MAP3K5: variants seen among roughly 807,000 people sequenced by gnomAD.
The protein encoded by MAP3K5 is mitogen-activated protein kinase kinase kinase 5, also known as ASK-1.
In MAP3K5, 56 loss-of-function variants were observed where a neutral mutation model predicts 158.7. The observed-to-expected ratio is 0.35, with a 90% CI of 0.28 to 0.44. The LOEUF is 0.44. MAP3K5 is among the 20% of genes least tolerant of loss of function. MAP3K5 has a pLI of 1.00. For synonymous variants in MAP3K5, 579 were observed against 601.7 expected, an observed-to-expected ratio of 0.96 and a Z score of 0.55; for missense variants, 1,294 against 1,674.8, an observed-to-expected ratio of 0.77 and a Z score of 3.97.
intron 14 of MAP3K5, among the ~76,000 whole-genome samples, chr6:136,628,941 T>C (rs987474978): frequency 1.7e-4 from 26 of 152,224 alleles, no homozygotes; most frequent in African/African-American, 1.7e-4. Context: ...TGTCCAGGAA[T>C]AGTAGAAGAG....
chr6:136,632,454 T>C (rs938267068), intron 14 of MAP3K5, among the ~76,000 whole-genome samples: 5 of 151,950 alleles, frequency 3.3e-5, no homozygotes. Flanking sequence ...GAGGCGGAGG[T>C]TGCAGTGAGC....
chr6:136,674,240 A>G (rs1333528884), intron 7 of MAP3K5, among the ~76,000 whole-genome samples: 1 of 152,104 alleles, frequency 6.6e-6, no homozygotes, highest in Non-Finnish European at 1.5e-5. Flanking sequence ...AAGTGATTTC[A>G]TTTGGAAGCA....
chr6:136,705,875 G>T (rs1471654695), intron 2 of MAP3K5, among the ~76,000 whole-genome samples: 1 of 152,056 alleles, frequency 6.6e-6, no homozygotes, highest in African/African-American at 2.4e-5. Context: ...AGAAATAAAG[G>T]GTATTGGCCA....
At chr6:136,581,590 C>G (rs570406969) in intron 24 of MAP3K5, among the ~76,000 whole-genome samples, 2 of 152,308 alleles carry the variant, frequency 1.3e-5, no homozygotes, top group South Asian at 4.1e-4. Context: ...CAGCCACAAA[C>G]CCATGTCAAG....
Position 136,557,774 on chromosome 6 carries a change from C to T in MAP3K5, c.4109G>A (p.Arg1370Gln). The change falls in exon 30 of 30, where the codon CGA (arginine) becomes CAA (glutamine). Residue 1370 changes from arginine (R) to glutamine (Q), a missense_variant. By Grantham distance (43) the Arg-to-Gln change is conservative. Transcript: ENST00000359015. Reference sequence around the variant, plus strand: ...GAGCAACAGTCAAGTCTGTTTGTTTCGAAAGTCAATGATAGCCTTCCACAG... The same window carrying T: ...GAGCAACAGTCAAGTCTGTTTGTTTTGAAAGTCAATGATAGCCTTCCACAG... ...CTLWKAIIDFRNKQT is the reference protein window; with the variant it reads ...CTLWKAIIDFQNKQT 1 of 1,612,420 alleles carries T rather than the reference C, an allele frequency of 6.2e-7. No individual in the cohort carries two copies. The highest frequency in any genetic ancestry group is 8.5e-7 in the Non-Finnish European group (1 of 1,178,584).
chr6:136,728,600 T>C (rs1045020098), intron 1 of MAP3K5, among the ~76,000 whole-genome samples: 2 of 152,238 alleles, frequency 1.3e-5, no homozygotes, highest in Non-Finnish European at 2.9e-5. Flanking sequence ...AATTATACCA[T>C]GTAAAATGAT....
chr6:136,627,763 T>G (rs911436673), intron 14 of MAP3K5, among the ~76,000 whole-genome samples: 1 of 152,182 alleles, frequency 6.6e-6, no homozygotes, highest in Non-Finnish European at 1.5e-5. Context: ...CCTCTGGAAC[T>G]GTGAGCAAAG....
intron 14 of MAP3K5, among the ~76,000 whole-genome samples, chr6:136,634,185 G>T (rs1457923589): frequency 1.3e-5 from 2 of 152,168 alleles, no homozygotes; most frequent in African/African-American, 4.8e-5. Flanking sequence ...AAACATCTAA[G>T]AAATGTAACC....
Position 136,567,622 on chromosome 6 carries a change from A to G in MAP3K5, c.3761+9T>C. On this transcript the variant is annotated intron_variant, in intron 26 of 29. Transcript: ENST00000359015. Reference sequence around the variant, plus strand: ...AAAAGAAACCAACCCACGTCAGTGTAGGACTTACCTATTGGTTTCTATTTT... The same window carrying G: ...AAAAGAAACCAACCCACGTCAGTGTGGGACTTACCTATTGGTTTCTATTTT... 1 of 1,611,568 alleles carries G rather than the reference A, an allele frequency of 6.2e-7. No homozygotes were observed. The highest frequency in any genetic ancestry group is 8.5e-7 in the Non-Finnish European group (1 of 1,178,224).
chr6:136,746,224 G>A (rs1385311733), intron 1 of MAP3K5, among the ~76,000 whole-genome samples: 1 of 151,894 alleles, frequency 6.6e-6, no homozygotes, highest in Non-Finnish European at 1.5e-5. Context: ...GTATTCTCTA[G>A]GTTTACAGAA....
intron 4 of MAP3K5, among the ~76,000 whole-genome samples, chr6:136,697,903 C>G (rs1317192769): frequency 6.6e-6 from 1 of 152,090 alleles, no homozygotes; most frequent in Non-Finnish European, 1.5e-5. Flanking sequence ...CACCACCACA[C>G]CTGGCTAATT....
At chr6:136,673,196 G>A (rs1779558605) in intron 7 of MAP3K5, among the ~76,000 whole-genome samples, 1 of 151,972 alleles carries the variant, frequency 6.6e-6, no homozygotes, top group South Asian at 2.1e-4. Flanking sequence ...AACAGATAAG[G>A]TCAATGAAAA....
chr6:136,725,137 G>A (rs560731998), intron 1 of MAP3K5, among the ~76,000 whole-genome samples: 15 of 152,312 alleles, frequency 9.8e-5, no homozygotes, highest in Admixed American at 2.0e-4. Flanking sequence ...TTGTCTCCAG[G>A]TTGAGCAATT....
chr6:136,687,301 G>C (rs567637643), intron 7 of MAP3K5, among the ~76,000 whole-genome samples: 1 of 152,208 alleles, frequency 6.6e-6, no homozygotes, highest in South Asian at 2.1e-4. Flanking sequence ...TTAAATGTAA[G>C]ACCTAACACC....
chr6:136,771,945 A>C (rs1300358584), intron 1 of MAP3K5, among the ~76,000 whole-genome samples: 1 of 151,732 alleles, frequency 6.6e-6, no homozygotes, highest in Non-Finnish European at 1.5e-5. Context: ...TTTGAGACAC[A>C]GTCTTGCTCC....
intron 25 of MAP3K5, among the ~76,000 whole-genome samples, chr6:136,576,865 A>G (rs1043165078): frequency 5.3e-5 from 8 of 152,118 alleles, no homozygotes; most frequent in African/African-American, 1.9e-4. Context: ...ACACACAAAC[A>G]CTTACCACTG....
chr6:136,646,152 T>C (rs1583335864), intron 11 of MAP3K5, among the ~76,000 whole-genome samples: 1 of 152,142 alleles, frequency 6.6e-6, no homozygotes, highest in South Asian at 2.1e-4. Context: ...AAATTCAGAA[T>C]GGAAACTGAT....
chr6:136,634,752 A>G (rs1006552506), intron 14 of MAP3K5, among the ~76,000 whole-genome samples: 3 of 151,202 alleles, frequency 2.0e-5, no homozygotes, highest in African/African-American at 7.3e-5. Flanking sequence ...GCTAAAGTAG[A>G]GACAGGGTTT....
chr6:136,642,030 A>AAAT (rs796580664), intron 12 of MAP3K5, among the ~76,000 whole-genome samples: 1 of 119,340 alleles, frequency 8.4e-6, no homozygotes, highest in Non-Finnish European at 1.7e-5. Flanking sequence ...AAAATAAAAT[A>AAAT]AAAATAAAAT....
Sources: allele counts gnomAD v4.1 joint callset (sites outside exome capture counted in the v4.1 genomes callset), GRCh38; gene constraint gnomAD v4.1.1; transcripts MANE v1.5; gene names NCBI Gene and HGNC (gene_info 2026-07-23, HGNC 2026-07-21).